The following DST variants were observed in gnomAD, a reference collection of about 807,000 sequenced individuals.
DST encodes the protein dystonin, also known as bullous pemphigoid antigen.
A neutral mutation model predicts 875.2 loss-of-function variants in DST; 253 were observed. That is an observed-to-expected ratio of 0.29 (90% CI 0.26 to 0.32). The LOEUF is 0.32. Among genes scored for constraint, DST ranks in the 10% least tolerant of loss-of-function variants. The probability of loss-of-function intolerance (pLI) is 1.00; values close to 1 mark genes in which losing one functional copy is unlikely to be tolerated. For missense variants in DST, 8,287 were observed against 9,111.6 expected (o/e 0.91, Z 3.68); for synonymous variants, 3,124 against 3,197.1 (o/e 0.98, Z 0.77).
intron 71 of DST, among the ~76,000 whole-genome samples, chr6:56,516,011 C>T (rs1007168361): frequency 2.0e-5 from 3 of 151,490 alleles, no homozygotes; most frequent in Non-Finnish European, 4.4e-5. Flanking sequence ...CCACTTTTTG[C>T]AAATGAAATT....
chr6:56,614,778 A>G, intron 36 of DST: 2 of 1,033,062 alleles, frequency 1.9e-6, no homozygotes, highest in Non-Finnish European at 2.3e-6. Flanking sequence ...ATGAGGCACT[A>G]GAAGATCTTT....
intron 2 of DST, among the ~76,000 whole-genome samples, chr6:56,931,754 A>T (rs539468681): frequency 1.3e-5 from 2 of 152,296 alleles, no homozygotes; most frequent in Non-Finnish European, 2.9e-5. Flanking sequence ...TTGGACTTGC[A>T]TGGGCCTTTG....
intron 3 of DST, among the ~76,000 whole-genome samples, chr6:56,877,676 G>C (rs917972129): frequency 6.6e-6 from 1 of 152,124 alleles, no homozygotes; most frequent in African/African-American, 2.4e-5. Flanking sequence ...TATCAAATTG[G>C]AACATTTTTA....
chr6:56,636,429 T>C lies in DST; in HGVS notation c.3060+128A>G, dbSNP rs1247710158. 102 of 707,484 alleles carry C rather than the reference T, an allele frequency of 1.4e-4. No homozygotes were observed. The African/African-American group carries it at 1.6e-3, about 11-fold the overall frequency. The allele number at this position is 707,484 out of a possible 1,614,324, so 43.8% of individuals were successfully genotyped here. On this transcript the variant is annotated intron_variant, in intron 23 of 103. Transcript: ENST00000680361. ...ATATATATACACACATATATGTGTA[T>C]ATATATATGTGTGTATATATATACA...
intron 5 of DST, among the ~76,000 whole-genome samples, chr6:56,734,626 G>C (rs1056256343): frequency 2.0e-5 from 3 of 152,098 alleles, no homozygotes; most frequent in African/African-American, 7.2e-5. Context: ...GAAATTACAT[G>C]CAAATTTTGT....
chr6:56,733,884 G>A (rs924039245), intron 5 of DST, among the ~76,000 whole-genome samples: 4 of 152,108 alleles, frequency 2.6e-5, no homozygotes, highest in Non-Finnish European at 5.9e-5. Context: ...AAAACAGGGG[G>A]AAATAAGTGA....
At chr6:56,889,542 A>G (rs1220288428) in intron 3 of DST, among the ~76,000 whole-genome samples, 2 of 152,232 alleles carry the variant, frequency 1.3e-5, no homozygotes, top group Non-Finnish European at 2.9e-5. Context: ...ACCTGGGAAC[A>G]CTAGCAATTT....
chr6:56,768,107 AAAG>A (rs1241528034), intron 4 of DST, among the ~76,000 whole-genome samples: 6 of 152,210 alleles, frequency 3.9e-5, no homozygotes, highest in African/African-American at 1.4e-4. Flanking sequence ...AGCTGAGGCA[AAAG>A]AATAACAGAT....
chr6:56,649,678 T>A (rs2098963299), intron 12 of DST, among the ~76,000 whole-genome samples: 1 of 152,174 alleles, frequency 6.6e-6, no homozygotes, highest in Non-Finnish European at 1.5e-5. Flanking sequence ...AAACAGTTCA[T>A]ATTGGGAAAT....
At chr6:56,565,186 T>C (rs1186260794) in intron 55 of DST, among the ~76,000 whole-genome samples, 2 of 147,472 alleles carry the variant, frequency 1.4e-5, no homozygotes, top group African/African-American at 5.1e-5. Context: ...AGTGGCACAA[T>C]CTCGGCTCAC....
chr6:56,735,296 G>T lies in DST; in HGVS notation c.626-7C>A. 6.7e-7 allele frequency: 1 copy of T among 1,501,796 alleles called. No homozygotes were observed. Among genetic ancestry groups the T allele is most frequent in the African/African-American group, 1.4e-5 (1 of 71,912 alleles). The allele number at this position is 1,501,796 out of a possible 1,614,324, so 93.0% of individuals were successfully genotyped here. The stretch of plus-strand genomic sequence containing the variant: ...TGAACTTTGTCCCGTTCATCTGGAA[G>T]GAAAAAATATATATAAAGATAAGGT... On this transcript the variant is annotated splice_polypyrimidine_tract_variant and splice_region_variant and intron_variant, in intron 4 of 103. Coordinates refer to ENST00000680361, the MANE Select transcript of DST (RefSeq NM_001374736.1).
At chr6:56,874,504 T>G (rs1015988279) in intron 3 of DST, among the ~76,000 whole-genome samples, 2 of 152,228 alleles carry the variant, frequency 1.3e-5, no homozygotes, top group African/African-American at 4.8e-5. Context: ...GTAGTTCATT[T>G]AATAGCTCAC....
intron 49 of DST, among the ~76,000 whole-genome samples, chr6:56,588,497 G>C (rs2098207462): frequency 6.6e-6 from 1 of 152,086 alleles, no homozygotes; most frequent in Admixed American, 6.6e-5. Context: ...GGATTTTTCT[G>C]TGTCTTCTAT....
In DST at chr6:56,530,066, C is replaced by T. The variant is rs774345974; in HGVS notation, c.17176G>A (p.Glu5726Lys). ...QFHETLEPLN[E>K]WLTTIEKRLV... is the part of the protein sequence containing the mutation. ...CTCTTTTCTATGGTTGTAAGCCACT[C>T]GTTCAGTGGTTCTAAGGTTTCATGA... is the stretch of plus-strand genomic sequence containing the variant. Residue 5726 changes from glutamate (E) to lysine (K), a missense_variant, in exon 65 of 104, where the codon GAG (glutamate) becomes AAG (lysine). By Grantham distance (56) the Glu-to-Lys change is moderately conservative. Around this residue, in one of 10 missense-constraint regions of DST, gnomAD observed 777 missense variants for 764.8 expected, o/e 1.02. Coordinates refer to ENST00000680361, the MANE Select transcript of DST (RefSeq NM_001374736.1). 3 of 1,613,018 alleles carry T rather than the reference C, an allele frequency of 1.9e-6. No individual in the cohort carries two copies. Among genetic ancestry groups the T allele is most frequent in the South Asian group, 1.1e-5 (1 of 90,966 alleles).
At chr6:56,839,541 C>A (rs1392986806) in intron 4 of DST, among the ~76,000 whole-genome samples, 3 of 152,218 alleles carry the variant, frequency 2.0e-5, no homozygotes, top group East Asian at 1.9e-4. Context: ...AATTTGAAAT[C>A]AAGTTTTTTC....
intron 4 of DST, among the ~76,000 whole-genome samples, chr6:56,773,701 T>C (rs1201854221): frequency 6.6e-6 from 1 of 152,210 alleles, no homozygotes; most frequent in Non-Finnish European, 1.5e-5. Context: ...ATTTTTATGA[T>C]ATTTCTCAAT....
chr6:56,835,906 G>A (rs2099793039), intron 4 of DST, among the ~76,000 whole-genome samples: 1 of 152,132 alleles, frequency 6.6e-6, no homozygotes, highest in Admixed American at 6.5e-5. Flanking sequence ...AACATTTCAG[G>A]CATGTATCAA....
At chr6:56,589,800 C>G (rs1445809266) in intron 49 of DST, among the ~76,000 whole-genome samples, 1 of 152,204 alleles carries the variant, frequency 6.6e-6, no homozygotes, top group East Asian at 1.9e-4. Context: ...GTTCACAGTT[C>G]TTTGAATAAT....
At chr6:56,557,888 T>A (rs948632918) in intron 58 of DST, among the ~76,000 whole-genome samples, 1 of 152,138 alleles carries the variant, frequency 6.6e-6, no homozygotes, top group Non-Finnish European at 1.5e-5. Context: ...TCTTCACTTA[T>A]CCGTTCTAGG....
Sources: allele counts gnomAD v4.1 joint callset (sites outside exome capture counted in the v4.1 genomes callset), GRCh38; gene constraint gnomAD v4.1.1; regional missense constraint gnomAD v4.1.1; transcripts MANE v1.5; gene names NCBI Gene and HGNC (gene_info 2026-07-23, HGNC 2026-07-21).